COL4A2: variants seen among roughly 807,000 people sequenced by gnomAD.
COL4A2 encodes the protein collagen type IV alpha 2 chain.
COL4A2 carries 99 observed loss-of-function variants against 200.2 expected under a neutral mutation model. The ratio of observed to expected loss-of-function variants is 0.49; its 90% CI spans 0.42 to 0.58. COL4A2 has a LOEUF of 0.58. COL4A2 is among the 20% of genes least tolerant of loss of function. The pLI is 0.00. For synonymous variants in COL4A2, 897 were observed against 900.6 expected (o/e 1.00, Z 0.07); for missense variants, 1,950 against 2,314.1 (o/e 0.84, Z 3.23).
At chr13:110,344,157 A>G (rs79750063) in intron 3 of COL4A2, among the ~76,000 whole-genome samples, 2,293 of 152,310 alleles carry the variant, frequency 0.015, 53 homozygotes, top group African/African-American at 0.053. Flanking sequence ...TAAATGTAAC[A>G]TGTGAAACTC....
chr13:110,472,348 C>A (rs964865263), intron 28 of COL4A2, among the ~76,000 whole-genome samples: 5 of 152,042 alleles, frequency 3.3e-5, no homozygotes, highest in African/African-American at 9.7e-5. Flanking sequence ...ATCTCCTGAC[C>A]TCGTGATTCA....
chr13:110,367,302 T>C (rs749966225), intron 4 of COL4A2, among the ~76,000 whole-genome samples: 5 of 152,352 alleles, frequency 3.3e-5, no homozygotes, highest in East Asian at 1.9e-4. Flanking sequence ...GTAAATAATA[T>C]CTTTGGCCTA....
chr13:110,433,776 A>G (rs1880771484), intron 11 of COL4A2, among the ~76,000 whole-genome samples: 1 of 152,210 alleles, frequency 6.6e-6, no homozygotes, highest in Admixed American at 6.5e-5. Flanking sequence ...CGAATCTTAG[A>G]GGTCAGCGTT....
At chr13:110,411,693 A>G (rs1364698083) in intron 4 of COL4A2, among the ~76,000 whole-genome samples, 1 of 152,228 alleles carries the variant, frequency 6.6e-6, no homozygotes, top group Non-Finnish European at 1.5e-5. Context: ...TTTTGTAGAC[A>G]ATTTGTCCAT....
At chr13:110,431,711 G>A (rs965578497) in intron 10 of COL4A2, among the ~76,000 whole-genome samples, 1 of 152,128 alleles carries the variant, frequency 6.6e-6, no homozygotes, top group Admixed American at 6.5e-5. Context: ...ACAGCTTTTG[G>A]TTCTTCACAT....
At chr13:110,340,942 G>A (rs186220538) in intron 3 of COL4A2, 1 of 152,392 alleles carries the variant, frequency 6.6e-6, no homozygotes, top group East Asian at 1.9e-4. Flanking sequence ...GAGGAGTATT[G>A]TCTATTAAGG....
intron 3 of COL4A2, among the ~76,000 whole-genome samples, chr13:110,333,028 A>G (rs1875998516): frequency 6.6e-6 from 1 of 152,116 alleles, no homozygotes; most frequent in Non-Finnish European, 1.5e-5. Context: ...GCTTCTGGAG[A>G]GGGCAGAGGG....
chr13:110,488,223 C>T (rs1883171206), intron 34 of COL4A2, among the ~76,000 whole-genome samples: 1 of 152,320 alleles, frequency 6.6e-6, no homozygotes, highest in African/African-American at 2.4e-5. Flanking sequence ...CAGGGTTTCA[C>T]CATGTTGGCC....
intron 15 of COL4A2, 119 bp downstream of exon 15, chr13:110,438,787 C>G: frequency 8.9e-7 from 1 of 1,127,064 alleles, no homozygotes; most frequent in Non-Finnish European, 1.3e-6. Flanking sequence ...TAGAGATTTC[C>G]CGTTATTACT....
chr13:110,364,569 G>A (rs983424693), intron 4 of COL4A2, among the ~76,000 whole-genome samples: 1 of 152,128 alleles, frequency 6.6e-6, no homozygotes, highest in Non-Finnish European at 1.5e-5. Context: ...GTTAAATCTC[G>A]CTGGAAAGAA....
chr13:110,501,780 G>A lies in COL4A2; in HGVS notation c.3873G>A (p.Leu1291=), dbSNP rs1385159888. The change falls in exon 41 of 48, where the codon CTG becomes CTA. Residue 1291 remains leucine (L), a synonymous_variant. Coordinates refer to ENST00000360467, the MANE Select transcript of COL4A2 (RefSeq NM_001846.4). ...GDKGAPGIFG[L]KGYRGPPGPP... ...AAGGGGCGCCAGGGATATTTGGCCTGAAAGGTAAGCAGGACTTATACATCT... is the reference window on the plus strand; with the variant it reads ...AAGGGGCGCCAGGGATATTTGGCCTAAAAGGTAAGCAGGACTTATACATCT... 9 of 1,613,154 alleles carry A rather than the reference G, an allele frequency of 5.6e-6. No homozygotes were observed. In the African/African-American group the frequency reaches 1.1e-4, roughly 19 times the overall value.
intron 4 of COL4A2, among the ~76,000 whole-genome samples, chr13:110,385,473 GTTA>G (rs1878662545): frequency 1.3e-5 from 2 of 149,282 alleles, no homozygotes; most frequent in South Asian, 4.2e-4. Context: ...ATAGGCCGTG[GTTA>G]CAGTGTGTGG....
At chr13:110,383,276 C>T (rs1291546932) in intron 4 of COL4A2, among the ~76,000 whole-genome samples, 1 of 152,124 alleles carries the variant, frequency 6.6e-6, no homozygotes, top group East Asian at 1.9e-4. Context: ...TTTGATTAGC[C>T]ATATGTACCA....
chr13:110,397,953 G>A (rs377095322), intron 4 of COL4A2, among the ~76,000 whole-genome samples: 5 of 152,182 alleles, frequency 3.3e-5, no homozygotes, highest in African/African-American at 7.2e-5. Flanking sequence ...CAGCTGTATC[G>A]TATGGAGAAG....
intron 3 of COL4A2, among the ~76,000 whole-genome samples, chr13:110,355,611 T>A (rs866692253): frequency 5.1e-5 from 2 of 39,334 alleles, no homozygotes; most frequent in African/African-American, 2.6e-4. Context: ...CACCTGTGTG[T>A]GTGGGGGAGG....
chr13:110,398,927 C>G (rs144110768), intron 4 of COL4A2, among the ~76,000 whole-genome samples: 210 of 151,716 alleles, frequency 1.4e-3, no homozygotes, highest in African/African-American at 4.9e-3. Context: ...ATAACTGTAT[C>G]TTTTTTGGCT....
At chr13:110,320,142 C>T (rs1023320798) in intron 3 of COL4A2, among the ~76,000 whole-genome samples, 93 of 152,254 alleles carry the variant, frequency 6.1e-4, no homozygotes, top group Non-Finnish European at 1.2e-3. Flanking sequence ...TTCTGGTTCT[C>T]GCATACTGGG....
At position 110,351,600 on chromosome 13, in the gene COL4A2, T is replaced by C. The variant is rs568914572; in HGVS notation, c.100-5872T>C. Among the ~76,000 whole-genome samples the C allele has an allele frequency of 1.8e-4, 28 of 152,358 alleles. 1 individual carries two copies. In the Middle Eastern group the frequency reaches 0.01, roughly 56 times the overall value. ...ATTTTTCAGAACTATTCCTTTTGGTTCCACAACACTAAAGATGTCAAGAGC... is the reference window on the plus strand; with the variant it reads ...ATTTTTCAGAACTATTCCTTTTGGTCCCACAACACTAAAGATGTCAAGAGC... On this transcript the variant is annotated intron_variant, in intron 3 of 47. Coordinates refer to ENST00000360467, the MANE Select transcript of COL4A2 (RefSeq NM_001846.4).
At chr13:110,357,437 G>A (rs1190083254) in intron 3 of COL4A2, 35 bp from the exon 4 acceptor site, 2 of 1,560,452 alleles carry the variant, frequency 1.3e-6, no homozygotes, top group East Asian at 2.4e-5. Context: ...CAATGTTTAG[G>A]TAACTTTTCT....
Sources: gnomAD v4.1 joint callset for allele counts (sites outside exome capture counted in the v4.1 genomes callset) on GRCh38, gnomAD v4.1.1 for gene constraint, MANE v1.5 for transcripts, NCBI Gene and HGNC (gene_info 2026-07-23, HGNC 2026-07-21) for gene names.